Variants in IL15 observed in about 807,000 individuals in gnomAD.
IL15 encodes the protein interleukin-15.
IL15 carries 11 observed loss-of-function variants against 19.6 expected under a neutral mutation model. The ratio of observed to expected loss-of-function variants is 0.56; its 90% CI spans 0.35 to 0.93. IL15 has a LOEUF of 0.93. IL15 is among the 40% of genes least tolerant of loss of function. The probability of loss-of-function intolerance (pLI) is 0.01; values close to 1 mark genes in which losing one functional copy is unlikely to be tolerated. For missense variants in IL15, 197 were observed against 186.5 expected, an observed-to-expected ratio of 1.06 and a Z score of -0.33; for synonymous variants, 58 against 59.6, an observed-to-expected ratio of 0.97 and a Z score of 0.12.
At position 141,641,178 on chromosome 4, in the gene IL15, A is replaced by G. The variant is rs146439216; in HGVS notation, c.-222+4430A>G. On this transcript the variant is annotated intron_variant, in intron 1 of 7. Transcript: ENST00000320650. Reference sequence around the variant, plus strand: ...AACATTTTACTGTTAAAGATTTTCTATTTTCCTGACTCATCTGCAACAAAA... The same window carrying G: ...AACATTTTACTGTTAAAGATTTTCTGTTTTCCTGACTCATCTGCAACAAAA... 4.0e-3 allele frequency among the ~76,000 whole-genome samples: 610 copies of G among 152,226 alleles called. 7 individuals are homozygous for G. Among genetic ancestry groups the G allele is most frequent in the African/African-American group, 0.014 (573 of 41,544 alleles).
chr4:141,711,951 T>C (rs971314032), intron 2 of IL15, among the ~76,000 whole-genome samples: 1 of 152,144 alleles, frequency 6.6e-6, no homozygotes, highest in African/African-American at 2.4e-5. Context: ...TGTCCTTAAA[T>C]AGCTTTCTAT....
intron 2 of IL15, among the ~76,000 whole-genome samples, chr4:141,688,335 T>A (rs1282471844): frequency 1.3e-5 from 2 of 152,148 alleles, no homozygotes; most frequent in Non-Finnish European, 2.9e-5. Flanking sequence ...CCTGAAGCAT[T>A]TTCAAAATTT....
chr4:141,689,283 A>G (rs1034281541), intron 2 of IL15, among the ~76,000 whole-genome samples: 1 of 152,124 alleles, frequency 6.6e-6, no homozygotes, highest in Non-Finnish European at 1.5e-5. Context: ...GCCTGCTTTT[A>G]TTCTCTTATC....
chr4:141,646,010 T>C (rs1236151725), intron 1 of IL15, among the ~76,000 whole-genome samples: 1 of 152,040 alleles, frequency 6.6e-6, no homozygotes, highest in African/African-American at 2.4e-5. Context: ...TAACATTTGT[T>C]TTATTCTTTT....
At chr4:141,730,906 A>T (rs1254614215) in intron 7 of IL15, among the ~76,000 whole-genome samples, 1 of 152,218 alleles carries the variant, frequency 6.6e-6, no homozygotes, top group Admixed American at 6.5e-5. Flanking sequence ...GGGAGGAAAC[A>T]GAAATAAACC....
chr4:141,648,643 T>C (rs867553579), intron 1 of IL15, among the ~76,000 whole-genome samples: 11 of 152,076 alleles, frequency 7.2e-5, no homozygotes, highest in Admixed American at 2.0e-4. Context: ...AAATATCAGA[T>C]TAAAATCTGT....
intron 2 of IL15, among the ~76,000 whole-genome samples, chr4:141,664,815 TTACA>T (rs1727915145): frequency 6.6e-6 from 1 of 152,222 alleles, no homozygotes; most frequent in African/African-American, 2.4e-5. Flanking sequence ...AGCCTAATTC[TTACA>T]TACATACTTT....
chr4:141,656,944 A>G (rs1727626844), intron 2 of IL15, among the ~76,000 whole-genome samples: 1 of 152,228 alleles, frequency 6.6e-6, no homozygotes, highest in Admixed American at 6.5e-5. Flanking sequence ...CTCGATAACT[A>G]AACAAAATAT....
chr4:141,657,885 A>C (rs1422357929), intron 2 of IL15, among the ~76,000 whole-genome samples: 1 of 152,254 alleles, frequency 6.6e-6, no homozygotes, highest in Non-Finnish European at 1.5e-5. Context: ...ATAGTATAAT[A>C]AATACATAAA....
chr4:141,727,810 T>G (rs953710286), intron 5 of IL15, 130 bp from the exon 6 acceptor site: 1 of 616,654 alleles, frequency 1.6e-6, no homozygotes, highest in African/African-American at 1.9e-5. Context: ...TCTTACAGTT[T>G]CATATGAATT....
chr4:141,691,455 A>T (rs1256452550), intron 2 of IL15, among the ~76,000 whole-genome samples: 1 of 152,204 alleles, frequency 6.6e-6, no homozygotes, highest in Non-Finnish European at 1.5e-5. Flanking sequence ...CCAAGTCCAA[A>T]GTCTCATCTG....
chr4:141,715,853 C>A (rs1348758501), intron 2 of IL15: 1 of 152,096 alleles, frequency 6.6e-6, no homozygotes, highest in East Asian at 1.9e-4. Flanking sequence ...TATGTTAGAT[C>A]ATCTTTCCTC....
intron 2 of IL15, among the ~76,000 whole-genome samples, chr4:141,676,057 C>A (rs1397657382): frequency 6.6e-6 from 1 of 152,100 alleles, no homozygotes; most frequent in Non-Finnish European, 1.5e-5. Context: ...GAAGCCAGCA[C>A]CAGGAATTAA....
intron 2 of IL15, among the ~76,000 whole-genome samples, chr4:141,660,799 G>T (rs1727761115): frequency 6.6e-6 from 1 of 151,980 alleles, no homozygotes; most frequent in African/African-American, 2.4e-5. Flanking sequence ...AATAAATTTT[G>T]TCCAAATTTA....
intron 2 of IL15, among the ~76,000 whole-genome samples, chr4:141,670,688 T>C (rs186579853): frequency 1.5e-4 from 23 of 152,354 alleles, no homozygotes; most frequent in Admixed American, 1.3e-3. Flanking sequence ...AGATGATATG[T>C]TTCAGATAAA....
intron 4 of IL15, 186 bp from the exon 5 acceptor site, chr4:141,721,738 T>G (rs977961156): frequency 1.6e-6 from 1 of 610,344 alleles, no homozygotes; most frequent in East Asian, 2.9e-5. Flanking sequence ...TATCATAAAA[T>G]GCCAAAATTG....
intron 1 of IL15, among the ~76,000 whole-genome samples, chr4:141,655,624 ACT>A (rs1727565068): frequency 6.6e-6 from 1 of 152,118 alleles, no homozygotes; most frequent in African/African-American, 2.4e-5. Flanking sequence ...TAGAAGTTAC[ACT>A]GTTTTTAGGT....
intron 2 of IL15, among the ~76,000 whole-genome samples, chr4:141,694,962 C>T (rs1420128886): frequency 6.6e-6 from 1 of 152,114 alleles, no homozygotes; most frequent in Non-Finnish European, 1.5e-5. Flanking sequence ...AGAATATACC[C>T]CTCTCTCCAT....
intron 2 of IL15, among the ~76,000 whole-genome samples, chr4:141,662,683 A>C (rs184545879): frequency 7.5e-4 from 114 of 151,932 alleles, no homozygotes; most frequent in African/African-American, 2.6e-3. Context: ...GTAATTACCG[A>C]TGTATTTGTG....
Sources: gnomAD v4.1 joint callset for allele counts (sites outside exome capture counted in the v4.1 genomes callset) on GRCh38, gnomAD v4.1.1 for gene constraint, MANE v1.5 for transcripts, NCBI Gene and HGNC (gene_info 2026-07-23, HGNC 2026-07-21) for gene names.